RSU1: variants seen among roughly 807,000 people sequenced by gnomAD.
RSU1 encodes the protein Ras suppressor protein 1.
RSU1 carries 26 observed loss-of-function variants against 31.1 expected under a neutral mutation model. The ratio of observed to expected loss-of-function variants is 0.84; its 90% confidence interval spans 0.61 to 1.16. RSU1 has a LOEUF of 1.16. Ranked by LOEUF, RSU1 falls within the 50% of genes most tolerant of loss-of-function variation. The pLI, the probability that RSU1 is intolerant of heterozygous loss-of-function variation, is 0.00. For missense variants in RSU1, 320 were observed against 339.1 expected, an observed-to-expected ratio of 0.94 and a Z score of 0.44; for synonymous variants, 164 against 136.3, an observed-to-expected ratio of 1.20 and a Z score of -1.41.
intron 3 of RSU1, among the ~76,000 whole-genome samples, chr10:16,777,565 G>C (rs550842645): frequency 1.3e-5 from 2 of 152,262 alleles, no homozygotes; most frequent in South Asian, 4.1e-4. Context: ...TCACAACAAA[G>C]GTGGTTTCTA....
intron 8 of RSU1, among the ~76,000 whole-genome samples, chr10:16,626,198 C>G (rs1834156776): frequency 6.6e-6 from 1 of 151,990 alleles, no homozygotes; most frequent in African/African-American, 2.4e-5. Context: ...GTGCATGCCA[C>G]CACGTCCAGC....
chr10:16,610,503 C>T (rs916947937), intron 8 of RSU1, among the ~76,000 whole-genome samples: 23 of 152,112 alleles, frequency 1.5e-4, no homozygotes, highest in South Asian at 4.1e-4. Context: ...GGAAGCAAAG[C>T]TTCATTTTTA....
At chr10:16,704,830 G>T (rs1043909144) in intron 7 of RSU1, among the ~76,000 whole-genome samples, 2 of 151,998 alleles carry the variant, frequency 1.3e-5, no homozygotes, top group African/African-American at 4.8e-5. Flanking sequence ...TAGTTGACTG[G>T]TTAATTTTTC....
intron 4 of RSU1, among the ~76,000 whole-genome samples, chr10:16,756,197 A>T (rs901647444): frequency 1.3e-5 from 2 of 152,106 alleles, no homozygotes; most frequent in African/African-American, 4.8e-5. Flanking sequence ...GGGGGAATGG[A>T]GAGGTGTGGT....
intron 2 of RSU1, among the ~76,000 whole-genome samples, chr10:16,812,631 T>G (rs947617340): frequency 2.0e-5 from 3 of 152,200 alleles, no homozygotes; most frequent in African/African-American, 7.2e-5. Context: ...TTTATTATTT[T>G]GCCTGGTCCT....
intron 8 of RSU1, among the ~76,000 whole-genome samples, chr10:16,670,214 A>T (rs552115463): frequency 6.2e-4 from 94 of 152,314 alleles, no homozygotes; most frequent in Middle Eastern, 3.4e-3. Context: ...TACAGAAGAA[A>T]GCGCAGGGGC....
intron 7 of RSU1, among the ~76,000 whole-genome samples, chr10:16,738,313 C>T (rs1005850573): frequency 2.0e-5 from 3 of 151,812 alleles, no homozygotes; most frequent in East Asian, 3.9e-4. Context: ...TAGCTGGGCC[C>T]GGTGGCAGCC....
chr10:16,724,190 G>T (rs913722878), intron 7 of RSU1, among the ~76,000 whole-genome samples: 7 of 152,114 alleles, frequency 4.6e-5, no homozygotes, highest in Non-Finnish European at 8.8e-5. Context: ...TAATTTGCCT[G>T]CCTTCGCCTC....
chr10:16,790,240 G>A (rs1374093817), intron 2 of RSU1, among the ~76,000 whole-genome samples: 1 of 152,132 alleles, frequency 6.6e-6, no homozygotes, highest in African/African-American at 2.4e-5. Context: ...TCAGAGCGCC[G>A]GCCGTCTCTA....
At chr10:16,700,586 A>G (rs544572046) in intron 7 of RSU1, among the ~76,000 whole-genome samples, 2 of 152,366 alleles carry the variant, frequency 1.3e-5, no homozygotes, top group East Asian at 3.9e-4. Flanking sequence ...CATAATTCTC[A>G]TTATCATGTG....
At chr10:16,804,649 C>T (rs1277234712) in intron 2 of RSU1, among the ~76,000 whole-genome samples, 1 of 152,206 alleles carries the variant, frequency 6.6e-6, no homozygotes, top group Non-Finnish European at 1.5e-5. Flanking sequence ...AAGAAATGAG[C>T]TATCGAACCA....
chr10:16,791,454 T>C (rs953678620), intron 2 of RSU1, among the ~76,000 whole-genome samples: 1 of 151,990 alleles, frequency 6.6e-6, no homozygotes, highest in Non-Finnish European at 1.5e-5. Flanking sequence ...CATAGTGAAA[T>C]CCCATCTCTA....
intron 7 of RSU1, among the ~76,000 whole-genome samples, chr10:16,730,830 G>T (rs1041826195): frequency 2.6e-5 from 4 of 152,050 alleles, no homozygotes; most frequent in Non-Finnish European, 5.9e-5. Flanking sequence ...CAATGTTGTT[G>T]TTTTTTTCAG....
intron 2 of RSU1, among the ~76,000 whole-genome samples, chr10:16,807,780 T>G (rs1485662289): frequency 3.3e-5 from 5 of 152,044 alleles, no homozygotes; most frequent in African/African-American, 9.7e-5. Context: ...TCCTAGCACT[T>G]TGGGAGGCTG....
chr10:16,726,417 C>G (rs530462310), intron 7 of RSU1, among the ~76,000 whole-genome samples: 3 of 152,122 alleles, frequency 2.0e-5, no homozygotes, highest in African/African-American at 7.2e-5. Context: ...CAGGTGCCCA[C>G]CACCACGCCC....
chr10:16,638,664 T>G (rs1191944589), intron 8 of RSU1, among the ~76,000 whole-genome samples: 4 of 152,150 alleles, frequency 2.6e-5, no homozygotes, highest in Non-Finnish European at 5.9e-5. Flanking sequence ...TTGCAAACCC[T>G]AAGCTAAACC....
chr10:16,727,582 G>T (rs994068453), intron 7 of RSU1, among the ~76,000 whole-genome samples: 3 of 152,130 alleles, frequency 2.0e-5, no homozygotes, highest in Non-Finnish European at 4.4e-5. Flanking sequence ...ACTGTTTTTG[G>T]CGCAAGTTCT....
intron 8 of RSU1, among the ~76,000 whole-genome samples, chr10:16,693,641 G>C (rs546813013): frequency 6.6e-6 from 1 of 151,980 alleles, no homozygotes; most frequent in African/African-American, 2.4e-5. Flanking sequence ...AAGCAGGATT[G>C]CTTGACACCA....
At chr10:16,683,731 A>G (rs1441428572) in intron 8 of RSU1, among the ~76,000 whole-genome samples, 1 of 152,188 alleles carries the variant, frequency 6.6e-6, no homozygotes, top group Admixed American at 6.5e-5. Flanking sequence ...ACATATGTCC[A>G]AGGTGGTTGG....
Sources: gnomAD v4.1 joint callset for allele counts (sites outside exome capture counted in the v4.1 genomes callset) on GRCh38, gnomAD v4.1.1 for gene constraint, MANE v1.5 for transcripts, NCBI Gene and HGNC (gene_info 2026-07-23, HGNC 2026-07-21) for gene names.